TERB1: variants seen among roughly 807,000 people sequenced by gnomAD.
TERB1 encodes the protein telomere repeats-binding bouquet formation protein 1.
In TERB1, 63 loss-of-function variants were observed where a neutral mutation model predicts 92.3. The observed-to-expected ratio is 0.68, with a 90% CI of 0.56 to 0.84. TERB1 has a LOEUF of 0.84. TERB1 is among the 40% of genes least tolerant of loss of function. TERB1 has a pLI of 0.00. For synonymous variants in TERB1, 252 were observed against 283.9 expected (o/e 0.89, Z 1.13); for missense variants, 709 against 843.7 (o/e 0.84, Z 1.98).
intron 5 of TERB1, among the ~76,000 whole-genome samples, chr16:66,790,270 G>T (rs964805441): frequency 6.7e-6 from 1 of 149,296 alleles, no homozygotes; most frequent in Non-Finnish European, 1.5e-5. Context: ...GGAAAAAGGG[G>T]AGGGGGGCAA....
At chr16:66,765,114 C>T (rs960690493) in intron 16 of TERB1, among the ~76,000 whole-genome samples, 2 of 152,152 alleles carry the variant, frequency 1.3e-5, no homozygotes, top group Admixed American at 6.5e-5. Flanking sequence ...TATTCATCTT[C>T]GATTCCAGTG....
rs560629324 is a variant in TERB1 at position 66,762,597 on chromosome 16, T to C, written c.1781-3307A>G. ...CAGGGTCTCCTTACATTCCCAGGGC[T>C]GGTCTCAAACTCCTGGGCTTAAGTA... On this transcript the variant is annotated intron_variant, in intron 16 of 18. Coordinates refer to ENST00000433154, the MANE Select transcript of TERB1 (RefSeq NM_001136505.2). 5.3e-5 allele frequency among the ~76,000 whole-genome samples: 8 copies of C among 152,186 alleles called. No homozygotes were observed. In the South Asian group the frequency reaches 1.7e-3, roughly 32 times the overall value.
intron 16 of TERB1, among the ~76,000 whole-genome samples, chr16:66,763,549 A>T (rs72792031): frequency 2.3e-4 from 35 of 152,286 alleles, no homozygotes; most frequent in Non-Finnish European, 4.1e-4. Context: ...ATTAAGAGGT[A>T]CATATTGTCC....
intron 10 of TERB1, among the ~76,000 whole-genome samples, chr16:66,778,642 T>C (rs1196199952): frequency 6.6e-6 from 1 of 152,160 alleles, no homozygotes; most frequent in Non-Finnish European, 1.5e-5. Flanking sequence ...GGTCTTGAAC[T>C]CCTGACCTCA....
chr16:66,795,184 G>A (rs2018909187), intron 3 of TERB1, among the ~76,000 whole-genome samples: 1 of 152,152 alleles, frequency 6.6e-6, no homozygotes, highest in Non-Finnish European at 1.5e-5. Flanking sequence ...ATGACAGATT[G>A]CCAATAAGTA....
At chr16:66,777,145 A>C in intron 11 of TERB1, 58 bp downstream of exon 11, 3 of 1,423,838 alleles carry the variant, frequency 2.1e-6, no homozygotes, top group Non-Finnish European at 1.9e-6. Context: ...AAAAAAAAAC[A>C]GAAGTATATT....
intron 5 of TERB1, 24 bp downstream of exon 5, chr16:66,790,571 A>G (rs947889001): frequency 7.4e-6 from 11 of 1,485,216 alleles, no homozygotes; most frequent in Non-Finnish European, 1.0e-5. Flanking sequence ...TTAAAGTATA[A>G]TGAAATAAAG....
chr16:66,790,730 G>A lies in TERB1; in HGVS notation c.143-7C>T. The A allele has an allele frequency of 6.5e-7, 1 of 1,547,048 alleles. No homozygotes were observed. The highest frequency in any genetic ancestry group is 1.2e-5 in the South Asian group (1 of 82,666). ...AAATAAACACTTGCATTACCTGTAG[G>A]ATGTGCAGAAAAAAAACAAAATAGA... On this transcript the variant is annotated splice_polypyrimidine_tract_variant and splice_region_variant and intron_variant, in intron 4 of 18. Coordinates refer to ENST00000433154, the MANE Select transcript of TERB1 (RefSeq NM_001136505.2).
chr16:66,776,605 G>A (rs1159935578), intron 11 of TERB1, among the ~76,000 whole-genome samples: 1 of 151,954 alleles, frequency 6.6e-6, no homozygotes, highest in Admixed American at 6.6e-5. Context: ...AAAAGTGAGA[G>A]TGGAAAGAGC....
rs2018425527 is a variant in TERB1, at chr16:66,770,288, A to G, written c.1294T>C (p.Tyr432His). 67 of 1,544,274 alleles carry G rather than the reference A, an allele frequency of 4.3e-5. No individual in the cohort carries two copies. Among genetic ancestry groups the G allele is most frequent in the Non-Finnish European group, 5.6e-5 (64 of 1,142,522 alleles). ...GNEEEIQREN[Y>H]QDNISSMNIS... ...TTCATAGATGAAATATTATCCTGAT[A>G]GTTTTCTCTTTGTATTTCTTCCTAT... is the stretch of plus-strand genomic sequence containing the variant. Residue 432 changes from tyrosine (Y) to histidine (H), a missense_variant, in exon 14 of 19, where the codon TAT becomes CAT. By Grantham distance (83) the Tyr-to-His change is moderately conservative. Transcript: ENST00000433154.
intron 6 of TERB1, 59 bp from the exon 7 acceptor site, chr16:66,786,344 GA>G (rs1597023091): frequency 8.6e-7 from 1 of 1,166,636 alleles, no homozygotes; most frequent in East Asian, 2.6e-5. Context: ...TTGCAGAAAT[GA>G]AGAACAGTTA....
At chr16:66,781,863 G>A (rs960059342) in intron 9 of TERB1, among the ~76,000 whole-genome samples, 11 of 152,060 alleles carry the variant, frequency 7.2e-5, no homozygotes, top group African/African-American at 2.7e-4. Context: ...TTTTCTCTCA[G>A]TCTAGCTTAC....
chr16:66,767,272 G>A (rs2018362472), intron 16 of TERB1, 143 bp downstream of exon 16: 2 of 523,942 alleles, frequency 3.8e-6, no homozygotes, highest in Non-Finnish European at 6.8e-6. Context: ...CTGGGAGGTG[G>A]AGAGTGCAGT....
rs772388114 is a variant in TERB1 at position 66,786,036 on chromosome 16, G to A, written c.555C>T (p.Val185=). 5 of 1,549,740 alleles carry A rather than the reference G, an allele frequency of 3.2e-6. No homozygotes were observed. Among genetic ancestry groups the A allele is most frequent in the Admixed American group, 3.9e-5 (2 of 50,814 alleles). ...LWSSVCSTLC[V]CVNNPQNDEN... ...TACCATTTTGAGGATTGTTGACACA[G>A]ACACACAGAGTACTACACACTGAAG... is the stretch of plus-strand genomic sequence containing the variant. Residue 185 remains valine (V), a synonymous_variant, in exon 8 of 19, where the codon GTC becomes GTT. Transcript: ENST00000433154.
intron 11 of TERB1, among the ~76,000 whole-genome samples, chr16:66,776,279 A>C (rs2018546968): frequency 6.6e-6 from 1 of 151,280 alleles, no homozygotes; most frequent in Non-Finnish European, 1.5e-5. Context: ...CAGTGAGCCA[A>C]GATTGCACCG....
chr16:66,788,282 G>A lies in TERB1; in HGVS notation c.287C>T (p.Thr96Ile). The A allele has an allele frequency of 6.7e-7, 1 of 1,492,180 alleles. No individual in the cohort carries two copies. The highest frequency in any genetic ancestry group is 8.9e-7 in the Non-Finnish European group (1 of 1,126,016). 92.4% of individuals were successfully genotyped at this position (1,492,180 alleles called of 1,614,324 possible). Reference protein sequence around the residue: ...IAEKNVYCQQTLCTSELFEDL... With the variant: ...IAEKNVYCQQILCTSELFEDL... ...TTCAAACAACTCTGAAGTACACAAA[G>A]TCTGCTGACAGTAAACTGAAATATA... The change falls in exon 6 of 19, where the codon ACT becomes ATT. Residue 96 changes from threonine (T) to isoleucine (I), a missense_variant. Physicochemically the swap from Thr to Ile is moderately conservative, Grantham distance 89. Coordinates refer to ENST00000433154, the MANE Select transcript of TERB1 (RefSeq NM_001136505.2).
chr16:66,765,587 A>C (rs957798144), intron 16 of TERB1, among the ~76,000 whole-genome samples: 1 of 151,636 alleles, frequency 6.6e-6, no homozygotes, highest in Non-Finnish European at 1.5e-5. Context: ...CCTCCCGAGT[A>C]GCTGGGATTA....
At chr16:66,780,414 T>A (rs202221124) in intron 9 of TERB1, among the ~76,000 whole-genome samples, 1 of 134,172 alleles carries the variant, frequency 7.5e-6, no homozygotes, top group African/African-American at 2.9e-5. Context: ...AAAAAAAAAA[T>A]TGAAAATTAG....
chr16:66,758,910 A>G (rs2018182738), intron 17 of TERB1, 72 bp from the exon 18 acceptor site: 2 of 1,088,564 alleles, frequency 1.8e-6, no homozygotes, highest in South Asian at 1.5e-5. Context: ...TTCCATTAGT[A>G]TATTTCCTTT....
Sources: allele counts gnomAD v4.1 joint callset (sites outside exome capture counted in the v4.1 genomes callset), GRCh38; gene constraint gnomAD v4.1.1; transcripts MANE v1.5; gene names NCBI Gene and HGNC (gene_info 2026-07-23, HGNC 2026-07-21).